The following RERE variants were observed in gnomAD, a reference collection of about 807,000 sequenced individuals.
RERE encodes the protein arginine-glutamic acid dipeptide repeats.
RERE carries 40 observed loss-of-function variants against 146.1 expected under a neutral mutation model. That is an observed-to-expected ratio of 0.27 (90% CI 0.21 to 0.36). The LOEUF is 0.36. Ranked by LOEUF, RERE falls within the 10% of genes least tolerant of loss-of-function variation. RERE has a pLI of 1.00. For missense variants in RERE, 1,933 were observed against 2,138.7 expected, an observed-to-expected ratio of 0.90 and a Z score of 1.90; for synonymous variants, 1,003 against 866.0, an observed-to-expected ratio of 1.16 and a Z score of -2.78.
chr1:8,367,912 G>C (rs1026066395), intron 12 of RERE, among the ~76,000 whole-genome samples: 1 of 152,316 alleles, frequency 6.6e-6, no homozygotes, highest in East Asian at 1.9e-4. Flanking sequence ...AATCCCACTA[G>C]GGGGTTACAA....
At chr1:8,407,080 G>A (rs1311411333) in intron 12 of RERE, among the ~76,000 whole-genome samples, 1 of 152,260 alleles carries the variant, frequency 6.6e-6, no homozygotes, top group East Asian at 1.9e-4. Context: ...TGTCTGCAGT[G>A]TTTGGGGCAG....
chr1:8,573,144 T>C (rs1646242944), intron 4 of RERE, among the ~76,000 whole-genome samples: 1 of 152,172 alleles, frequency 6.6e-6, no homozygotes, highest in Admixed American at 6.5e-5. Flanking sequence ...TTTTTAAAGT[T>C]TTATTATGAA....
intron 4 of RERE, among the ~76,000 whole-genome samples, chr1:8,613,102 G>A (rs1302697132): frequency 6.6e-6 from 1 of 152,166 alleles, no homozygotes; most frequent in African/African-American, 2.4e-5. Context: ...ACCCATGAAT[G>A]GCGGCCCTAG....
At chr1:8,697,174 C>T (rs951131120) in intron 1 of RERE, among the ~76,000 whole-genome samples, 8 of 152,220 alleles carry the variant, frequency 5.3e-5, no homozygotes, top group Non-Finnish European at 7.4e-5. Context: ...AGGAAGCTGC[C>T]TAGGTAAATA....
chr1:8,421,144 T>C (rs901873206), intron 12 of RERE, among the ~76,000 whole-genome samples: 1 of 152,236 alleles, frequency 6.6e-6, no homozygotes, highest in African/African-American at 2.4e-5. Context: ...TAGTTCTGTA[T>C]CAAATTCTTC....
At chr1:8,411,604 G>A (rs1329599554) in intron 12 of RERE, among the ~76,000 whole-genome samples, 1 of 152,076 alleles carries the variant, frequency 6.6e-6, no homozygotes, top group African/African-American at 2.4e-5. Context: ...CATCTACCAG[G>A]TGATACTACA....
intron 12 of RERE, among the ~76,000 whole-genome samples, chr1:8,412,609 T>C (rs898983968): frequency 1.3e-4 from 20 of 152,250 alleles, no homozygotes; most frequent in Non-Finnish European, 5.9e-5. Flanking sequence ...AAGACAGTAT[T>C]TTATTCTTGA....
chr1:8,467,917 A>G (rs1644624668), intron 10 of RERE, among the ~76,000 whole-genome samples: 1 of 152,198 alleles, frequency 6.6e-6, no homozygotes, highest in Non-Finnish European at 1.5e-5. Context: ...GTATTGGGAT[A>G]ACAGGCATGA....
At chr1:8,363,720 C>G (rs944595693) in intron 15 of RERE, 1 of 310,514 alleles carries the variant, frequency 3.2e-6, no homozygotes, top group Non-Finnish European at 6.0e-6. Flanking sequence ...AAAGAGCCTG[C>G]AAGTTTAAAA....
intron 10 of RERE, among the ~76,000 whole-genome samples, chr1:8,483,410 C>G (rs1644861014): frequency 6.6e-6 from 1 of 152,072 alleles, no homozygotes; most frequent in African/African-American, 2.4e-5. Flanking sequence ...TAATCCAGGT[C>G]CAGATACTTT....
At chr1:8,502,398 C>T (rs1161856347) in intron 8 of RERE, among the ~76,000 whole-genome samples, 14 of 121,688 alleles carry the variant, frequency 1.2e-4, no homozygotes, top group Admixed American at 1.5e-4. Context: ...CGCCTCTGCC[C>T]GGCCGCCCCT....
chr1:8,450,396 C>T (rs1431712415), intron 11 of RERE, among the ~76,000 whole-genome samples: 1 of 151,842 alleles, frequency 6.6e-6, no homozygotes, highest in Admixed American at 6.6e-5. Flanking sequence ...GTGGAGGCAA[C>T]GCTCACCTCC....
chr1:8,359,215 G>C (rs900420930), intron 19 of RERE, among the ~76,000 whole-genome samples: 5 of 152,200 alleles, frequency 3.3e-5, no homozygotes, highest in Non-Finnish European at 7.4e-5. Flanking sequence ...GACAGCTGGG[G>C]GGCATGGGTG....
chr1:8,724,796 T>C (rs1401017695), intron 1 of RERE, among the ~76,000 whole-genome samples: 1 of 147,316 alleles, frequency 6.8e-6, no homozygotes, highest in Non-Finnish European at 1.5e-5. Flanking sequence ...ACCACTGCAC[T>C]CCAGCCTGGG....
intron 8 of RERE, among the ~76,000 whole-genome samples, chr1:8,499,541 G>C (rs927846743): frequency 6.6e-5 from 10 of 152,212 alleles, no homozygotes; most frequent in Admixed American, 2.6e-4. Context: ...CCAAATTCCA[G>C]AAATCTTCAC....
intron 4 of RERE, among the ~76,000 whole-genome samples, chr1:8,564,050 T>C (rs1254057370): frequency 1.3e-5 from 2 of 152,240 alleles, no homozygotes; most frequent in Non-Finnish European, 1.5e-5. Context: ...ACTCTGCCAG[T>C]TGAGCCCACC....
chr1:8,494,104 T>A (rs955258483), intron 10 of RERE, among the ~76,000 whole-genome samples: 1 of 152,246 alleles, frequency 6.6e-6, no homozygotes, highest in African/African-American at 2.4e-5. Context: ...TTAAAGTAGA[T>A]GAGTAATTAT....
intron 6 of RERE, among the ~76,000 whole-genome samples, chr1:8,553,119 A>G: frequency 6.7e-6 from 1 of 150,188 alleles, no homozygotes; most frequent in East Asian, 2.0e-4. Flanking sequence ...CAGTACATCC[A>G]CAAACAATCG....
intron 2 of RERE, among the ~76,000 whole-genome samples, chr1:8,635,407 C>T (rs116689146): frequency 6.6e-6 from 1 of 152,270 alleles, no homozygotes; most frequent in African/African-American, 2.4e-5. Context: ...TTTAAAGTAT[C>T]TAAATGCTTC....
Sources: gnomAD v4.1 joint callset for allele counts (sites outside exome capture counted in the v4.1 genomes callset) on GRCh38, gnomAD v4.1.1 for gene constraint, MANE v1.5 for transcripts, NCBI Gene and HGNC (gene_info 2026-07-23, HGNC 2026-07-21) for gene names.